Variants in PTPRO observed in about 807,000 individuals in gnomAD.
The protein encoded by PTPRO is protein tyrosine phosphatase receptor type O.
A neutral mutation model predicts 145.2 loss-of-function variants in PTPRO; 62 were observed. The observed-to-expected ratio is 0.43, with a 90% confidence interval of 0.35 to 0.53. PTPRO has a LOEUF of 0.53. Among genes scored for constraint, PTPRO ranks in the 20% least tolerant of loss-of-function variants. The pLI, the probability that PTPRO is intolerant of heterozygous loss-of-function variation, is 0.01. For synonymous variants in PTPRO, 565 were observed against 514.7 expected, an observed-to-expected ratio of 1.10 and a Z score of -1.32; for missense variants, 1,345 against 1,482.7, an observed-to-expected ratio of 0.91 and a Z score of 1.53.
At chr12:15,442,370 C>CA (rs2084996424) in intron 1 of PTPRO, among the ~76,000 whole-genome samples, 2 of 152,212 alleles carry the variant, frequency 1.3e-5, no homozygotes, top group South Asian at 4.1e-4. Context: ...CAATCTATGA[C>CA]AAACCCACAG....
chr12:15,508,290 A>T lies in PTPRO; in HGVS notation c.1268-281A>T, dbSNP rs1861595. Reference sequence around the variant, plus strand: ...TGTTAAAAGAGAAGTAAGTTTTCTCAGGTGAAGAATTTACCAGAATACTCT... The same window carrying T: ...TGTTAAAAGAGAAGTAAGTTTTCTCTGGTGAAGAATTTACCAGAATACTCT... On this transcript the variant is annotated intron_variant, in intron 6 of 26. Coordinates refer to ENST00000281171, the MANE Select transcript of PTPRO (RefSeq NM_030667.3). 0.48 allele frequency among the ~76,000 whole-genome samples: 72,661 copies of T among 151,868 alleles called. 18,047 individuals carry two copies. Among genetic ancestry groups the T allele is most frequent in the African/African-American group, 0.59 (24,378 of 41,378 alleles).
At chr12:15,398,423 C>T (rs1391340587) in intron 1 of PTPRO, among the ~76,000 whole-genome samples, 4 of 150,964 alleles carry the variant, frequency 2.6e-5, no homozygotes, top group Non-Finnish European at 1.5e-5. Context: ...GTGGAGAAAA[C>T]AGACGTGTTC....
At chr12:15,393,606 G>T (rs1939251577) in intron 1 of PTPRO, among the ~76,000 whole-genome samples, 1 of 151,582 alleles carries the variant, frequency 6.6e-6, no homozygotes, top group African/African-American at 2.4e-5. Context: ...TAGAATGAAT[G>T]GCCTTGCTCT....
At chr12:15,365,408 A>G (rs186613033) in intron 1 of PTPRO, among the ~76,000 whole-genome samples, 105 of 151,608 alleles carry the variant, frequency 6.9e-4, no homozygotes, top group African/African-American at 2.5e-3. Context: ...ATGGCTATAT[A>G]TGTTTATATA....
chr12:15,564,895 A>G (rs1591743398), intron 17 of PTPRO, among the ~76,000 whole-genome samples: 1 of 152,220 alleles, frequency 6.6e-6, no homozygotes, highest in Non-Finnish European at 1.5e-5. Flanking sequence ...TAGGTAAGTT[A>G]TCTTACTTGG....
intron 1 of PTPRO, among the ~76,000 whole-genome samples, chr12:15,431,189 C>T (rs1366174309): frequency 6.6e-6 from 1 of 152,158 alleles, no homozygotes; most frequent in Non-Finnish European, 1.5e-5. Flanking sequence ...TGCCTGGACA[C>T]CACCATGTTA....
chr12:15,379,948 T>C (rs1286083251), intron 1 of PTPRO, among the ~76,000 whole-genome samples: 1 of 152,198 alleles, frequency 6.6e-6, no homozygotes, highest in Non-Finnish European at 1.5e-5. Context: ...TCATGTAATG[T>C]GGATTATATC....
chr12:15,501,607 C>G lies in PTPRO; in HGVS notation c.662-13C>G. ...TAAAAAATACTTGAAAATGAAAATTCTCTCTCTTACAGCCCCTTATCCACC... is the reference window on the plus strand; with the variant it reads ...TAAAAAATACTTGAAAATGAAAATTGTCTCTCTTACAGCCCCTTATCCACC... On this transcript the variant is annotated splice_polypyrimidine_tract_variant and intron_variant, in intron 4 of 26. Transcript: ENST00000281171. 1 of 1,603,390 alleles carries G rather than the reference C, an allele frequency of 6.2e-7. No individual in the cohort carries two copies. Among genetic ancestry groups the G allele is most frequent in the East Asian group, 2.2e-5 (1 of 44,792 alleles).
intron 1 of PTPRO, among the ~76,000 whole-genome samples, chr12:15,459,073 A>G (rs1464872761): frequency 6.6e-6 from 1 of 152,300 alleles, no homozygotes; most frequent in East Asian, 1.9e-4. Flanking sequence ...TAGCTCCCAG[A>G]TGTCTAGAAT....
rs139445774 is a variant in PTPRO, at chr12:15,330,167, G to C, written c.75+7366G>C. 3.3e-5 allele frequency among the ~76,000 whole-genome samples: 5 copies of C among 152,310 alleles called. No individual in the cohort carries two copies. In the East Asian group the frequency reaches 9.6e-4, roughly 29 times the overall value. Reference sequence around the variant, plus strand: ...ATAGAGCGCTTTGCCTGCAAGAAAGGCTATCCCAAAGGTAGAGCCAGCCTG... The same window carrying C: ...ATAGAGCGCTTTGCCTGCAAGAAAGCCTATCCCAAAGGTAGAGCCAGCCTG... On this transcript the variant is annotated intron_variant, in intron 1 of 26. Coordinates refer to ENST00000281171, the MANE Select transcript of PTPRO (RefSeq NM_030667.3).
intron 1 of PTPRO, among the ~76,000 whole-genome samples, chr12:15,377,730 A>G (rs1404964906): frequency 1.3e-5 from 2 of 152,108 alleles, no homozygotes; most frequent in African/African-American, 2.4e-5. Context: ...TACAAGATAG[A>G]CAATATGCTA....
chr12:15,540,335 T>G (rs961986543), intron 12 of PTPRO, among the ~76,000 whole-genome samples: 1 of 152,248 alleles, frequency 6.6e-6, no homozygotes, highest in African/African-American at 2.4e-5. Flanking sequence ...GATGTTAACA[T>G]TTATGCTTTG....
rs535521346 is a variant in PTPRO at position 15,439,995 on chromosome 12, C to G, written c.76-43979C>G. ...GCCATCTGCGGGGCCATCATCCTGG[C>G]CAAGCTCTCCATTGTCCCTGTGTGC... On this transcript the variant is annotated intron_variant, in intron 1 of 26. Coordinates refer to ENST00000281171, the MANE Select transcript of PTPRO (RefSeq NM_030667.3). 151 of 682,860 alleles carry G rather than the reference C, an allele frequency of 2.2e-4. No homozygotes were observed. The African/African-American group carries it at 2.4e-3, about 11-fold the overall frequency. 42.3% of individuals were successfully genotyped at this position (682,860 alleles called of 1,614,324 possible).
At chr12:15,535,421 G>GAAAAC (rs112250290) in intron 12 of PTPRO, among the ~76,000 whole-genome samples, 1,815 of 152,110 alleles carry the variant, frequency 0.012, 31 homozygotes, top group African/African-American at 0.041. Context: ...GGAGGTCAGA[G>GAAAAC]AAAACAAAAC....
intron 1 of PTPRO, among the ~76,000 whole-genome samples, chr12:15,445,990 C>A (rs943676901): frequency 2.0e-5 from 3 of 152,012 alleles, no homozygotes; most frequent in African/African-American, 7.2e-5. Context: ...TGTAAAGCAG[C>A]ATTTGTAGCA....
chr12:15,487,453 T>C (rs1271965454), intron 2 of PTPRO, among the ~76,000 whole-genome samples: 2 of 152,188 alleles, frequency 1.3e-5, no homozygotes, highest in Non-Finnish European at 2.9e-5. Flanking sequence ...AAGGAAAGAT[T>C]TTTCTGCCCC....
chr12:15,508,629 C>T lies in PTPRO; in HGVS notation c.1326C>T (p.His442=), dbSNP rs752125817. The change falls in exon 7 of 27, where the codon CAC becomes CAT. Residue 442 remains histidine, a synonymous_variant. Coordinates refer to ENST00000281171, the MANE Select transcript of PTPRO (RefSeq NM_030667.3). ...LTEKPQHVSV[H]VLSSTTALMS... Reference sequence around the variant, plus strand: ...AGAAGCCGCAGCACGTGAGTGTCCACGTTTTAAGCTCAACCACTGCCTTGA... The same window carrying T: ...AGAAGCCGCAGCACGTGAGTGTCCATGTTTTAAGCTCAACCACTGCCTTGA... The T allele has an allele frequency of 5.0e-6, 8 of 1,614,034 alleles. No individual in the cohort carries two copies. Among genetic ancestry groups the T allele is most frequent in the East Asian group, 4.5e-5 (2 of 44,854 alleles).
chr12:15,516,705 A>G (rs1247625113), intron 8 of PTPRO, 58 bp from the exon 9 acceptor site: 2 of 1,473,012 alleles, frequency 1.4e-6, no homozygotes, highest in Admixed American at 1.7e-5. Context: ...GTTTGAGGCC[A>G]TTGCTAAGAC....
intron 1 of PTPRO, among the ~76,000 whole-genome samples, chr12:15,341,269 T>C (rs1866974564): frequency 6.6e-6 from 1 of 152,212 alleles, no homozygotes; most frequent in Non-Finnish European, 1.5e-5. Context: ...CCATGAGATA[T>C]TAAACTTTGC....
Sources: gnomAD v4.1 joint callset for allele counts (sites outside exome capture counted in the v4.1 genomes callset) on GRCh38, gnomAD v4.1.1 for gene constraint, MANE v1.5 for transcripts, NCBI Gene and HGNC (gene_info 2026-07-23, HGNC 2026-07-21) for gene names.